Variants in SPRR2G observed in about 807,000 individuals in gnomAD.
SPRR2G encodes the protein small proline rich protein 2G.
A neutral mutation model predicts 0.7 loss-of-function variants in SPRR2G; 1 was observed. The observed-to-expected ratio is 1.49, with a 90% CI of 0.53 to 7.06. The LOEUF (loss-of-function observed/expected upper bound fraction) is 7.06. Among genes scored for constraint, SPRR2G ranks in the 30% most tolerant of loss-of-function variants. The pLI is 0.14. For synonymous variants in SPRR2G, 38 were observed against 33.9 expected (o/e 1.12, Z -0.42); for missense variants, 96 against 88.5 (o/e 1.09, Z -0.34).
chr1:153,156,046 C>T, the SPRR2G span, among the ~76,000 whole-genome samples: 21 of 152,262 alleles, frequency 1.4e-4, no homozygotes, highest in South Asian at 4.4e-3. Flanking sequence ...ACACTCAGGA[C>T]ATGATCCAAT....
At chr1:153,177,367 G>A in the SPRR2G span, among the ~76,000 whole-genome samples, 8 of 152,122 alleles carry the variant, frequency 5.3e-5, no homozygotes, top group African/African-American at 2.4e-5. Context: ...ATATTTAGGG[G>A]CAGAGCTTCT....
the SPRR2G span, among the ~76,000 whole-genome samples, chr1:153,170,809 C>T: frequency 2.0e-5 from 3 of 152,196 alleles, no homozygotes; most frequent in Non-Finnish European, 4.4e-5. Context: ...CTGCCCACCA[C>T]CCTCTGAGAG....
chr1:153,198,506 C>T, the SPRR2G span, among the ~76,000 whole-genome samples: 1 of 152,294 alleles, frequency 6.6e-6, no homozygotes, highest in East Asian at 1.9e-4. Flanking sequence ...AATGTGCCTG[C>T]AGCTCCCAAA....
At chr1:153,182,498 C>T in the SPRR2G span, among the ~76,000 whole-genome samples, 1 of 151,850 alleles carries the variant, frequency 6.6e-6, no homozygotes, top group Admixed American at 6.6e-5. Flanking sequence ...ATTTTAAGCC[C>T]CACATGCATT....
the SPRR2G span, among the ~76,000 whole-genome samples, chr1:153,188,327 T>TCC: frequency 6.6e-6 from 1 of 152,178 alleles, no homozygotes; most frequent in African/African-American, 2.4e-5. Flanking sequence ...CCCCAGGTGC[T>TCC]CTGTCCCAGG....
chr1:153,152,288 C>T (rs939218208), upstream of SPRR2G, among the ~76,000 whole-genome samples: 1 of 152,110 alleles, frequency 6.6e-6, no homozygotes, highest in Non-Finnish European at 1.5e-5. Flanking sequence ...CTGCATCCCC[C>T]ATTCTTCTAG....
the SPRR2G span, among the ~76,000 whole-genome samples, chr1:153,195,124 G>C: frequency 6.6e-6 from 1 of 152,164 alleles, no homozygotes; most frequent in African/African-American, 2.4e-5. Context: ...GCTGGCAGAA[G>C]TGGACTTCCT....
the SPRR2G span, among the ~76,000 whole-genome samples, chr1:153,193,480 A>G: frequency 1.8e-4 from 28 of 152,182 alleles, no homozygotes; most frequent in African/African-American, 6.8e-4. Flanking sequence ...ACACATGAGG[A>G]CACAGGCATG....
At position 153,149,782 on chromosome 1, in the gene SPRR2G, G is replaced by A; in HGVS notation, c.*107C>T. On this transcript the variant is annotated 3_prime_UTR_variant, in exon 2 of 2. Transcript: ENST00000368748. ...AACGCTCAAGCCAGACAGAGGTTAG[G>A]GAAGATGCAGCCTCCCACTACAGCT... is the stretch of plus-strand genomic sequence containing the variant. 1 of 1,392,140 alleles carries A rather than the reference G, an allele frequency of 7.2e-7. No homozygotes were observed. Among genetic ancestry groups the A allele is most frequent in the South Asian group, 1.2e-5 (1 of 83,296 alleles). The allele number at this position is 1,392,140 out of a possible 1,614,324, so 86.2% of individuals were successfully genotyped here.
chr1:153,164,710 G>A, the SPRR2G span, among the ~76,000 whole-genome samples: 3 of 152,158 alleles, frequency 2.0e-5, no homozygotes, highest in African/African-American at 7.2e-5. Context: ...ATTGTGTGGG[G>A]TGGGTTCAGC....
chr1:153,179,128 A>G, the SPRR2G span, among the ~76,000 whole-genome samples: 26 of 152,282 alleles, frequency 1.7e-4, no homozygotes, highest in East Asian at 5.0e-3. Context: ...CATAGGCTGA[A>G]GCTGTAATCC....
chr1:153,159,314 C>G, the SPRR2G span, among the ~76,000 whole-genome samples: 9 of 152,204 alleles, frequency 5.9e-5, no homozygotes, highest in Non-Finnish European at 1.2e-4. Context: ...TGTCACCAGT[C>G]TTTTTGCTAA....
chr1:153,185,453 A>G, the SPRR2G span, among the ~76,000 whole-genome samples: 1 of 151,646 alleles, frequency 6.6e-6, no homozygotes, highest in Admixed American at 6.6e-5. Flanking sequence ...GGAGTGTGTA[A>G]TGTGTCCAGG....
At chr1:153,194,067 C>G in the SPRR2G span, among the ~76,000 whole-genome samples, 20 of 152,244 alleles carry the variant, frequency 1.3e-4, no homozygotes, top group Middle Eastern at 3.4e-3. Context: ...CCTTCTGCAT[C>G]ATCTTGAGCT....
rs1465708643 is a variant in SPRR2G at position 153,150,000 on chromosome 1, C to G, written c.111G>C (p.Leu37=). 6.2e-7 allele frequency: 1 copy of G among 1,613,900 alleles called. No individual in the cohort carries two copies. The highest frequency in any genetic ancestry group is 1.7e-5 in the Admixed American group (1 of 59,996). The change falls in exon 2 of 2, where the codon CTG becomes CTC. Residue 37 remains leucine (L), a synonymous_variant. Coordinates refer to ENST00000368748, the MANE Select transcript of SPRR2G (RefSeq NM_001014291.4). The part of the protein sequence containing the change: ...CPPPKCPEPY[L]PPPCPPEHCP... ...AATGCTCAGGTGGACAAGGAGGAGG[C>G]AGGTAAGGCTCAGGGCACTTCGGGG... is the stretch of plus-strand genomic sequence containing the variant.
chr1:153,168,762 A>C, the SPRR2G span, among the ~76,000 whole-genome samples: 3 of 152,184 alleles, frequency 2.0e-5, no homozygotes, highest in African/African-American at 7.2e-5. Flanking sequence ...AAATCAGATA[A>C]AACCTGAGAA....
chr1:153,166,328 T>C, the SPRR2G span, among the ~76,000 whole-genome samples: 1 of 152,202 alleles, frequency 6.6e-6, no homozygotes, highest in Non-Finnish European at 1.5e-5. Context: ...AGGTTTTTAA[T>C]CATTGAGGAT....
chr1:153,166,451 TTTG>T, the SPRR2G span, among the ~76,000 whole-genome samples: 1 of 152,090 alleles, frequency 6.6e-6, no homozygotes, highest in Middle Eastern at 3.2e-3. Context: ...TACAAGCCTT[TTTG>T]TTGTTGTTGT....
the SPRR2G span, among the ~76,000 whole-genome samples, chr1:153,178,561 T>C: frequency 6.6e-6 from 1 of 152,156 alleles, no homozygotes; most frequent in African/African-American, 2.4e-5. Flanking sequence ...CTACATCTAT[T>C]CAGATGATAT....
Sources: gnomAD v4.1 joint callset for allele counts (sites outside exome capture counted in the v4.1 genomes callset) on GRCh38, gnomAD v4.1.1 for gene constraint, MANE v1.5 for transcripts, NCBI Gene and HGNC (gene_info 2026-07-23, HGNC 2026-07-21) for gene names.